Variants in EPHB1 observed in about 807,000 individuals in gnomAD.
EPHB1 encodes the protein ephrin type-B receptor 1.
A neutral mutation model predicts 94.4 loss-of-function variants in EPHB1; 30 were observed. The observed-to-expected ratio is 0.32, with a 90% CI of 0.24 to 0.43. The LOEUF (loss-of-function observed/expected upper bound fraction) is 0.43. Among genes scored for constraint, EPHB1 ranks in the 20% least tolerant of loss-of-function variants. EPHB1 has a pLI of 1.00. For missense variants in EPHB1, 1,055 were observed against 1,308.3 expected, an observed-to-expected ratio of 0.81 and a Z score of 2.99; for synonymous variants, 522 against 489.1, an observed-to-expected ratio of 1.07 and a Z score of -0.89.
chr3:134,893,711 A>T (rs116554232), intron 1 of EPHB1, among the ~76,000 whole-genome samples: 1 of 152,214 alleles, frequency 6.6e-6, no homozygotes, highest in African/African-American at 2.4e-5. Context: ...CCTTATGTCA[A>T]ACCAGGGCCC....
chr3:135,247,752 A>G (rs1304683307), intron 13 of EPHB1, among the ~76,000 whole-genome samples: 1 of 152,212 alleles, frequency 6.6e-6, no homozygotes, highest in Non-Finnish European at 1.5e-5. Context: ...TTGCTGCCTC[A>G]TGAGGAATAT....
intron 12 of EPHB1, among the ~76,000 whole-genome samples, chr3:135,209,827 G>A (rs1346760955): frequency 6.6e-6 from 1 of 152,186 alleles, no homozygotes; most frequent in Non-Finnish European, 1.5e-5. Context: ...CATGGAGGAT[G>A]GGTGGGAGAG....
At chr3:135,064,800 G>A (rs1196789726) in intron 3 of EPHB1, among the ~76,000 whole-genome samples, 2 of 152,060 alleles carry the variant, frequency 1.3e-5, no homozygotes, top group Non-Finnish European at 2.9e-5. Flanking sequence ...ACCTTAGAAT[G>A]TCAGTTTATG....
chr3:135,226,887 T>C (rs1464763445), intron 12 of EPHB1, among the ~76,000 whole-genome samples: 1 of 149,534 alleles, frequency 6.7e-6, no homozygotes, highest in African/African-American at 2.5e-5. Flanking sequence ...CGGAGCTGGA[T>C]GATATAGTCC....
chr3:134,884,275 G>C (rs1484045561), intron 1 of EPHB1, among the ~76,000 whole-genome samples: 4 of 152,208 alleles, frequency 2.6e-5, no homozygotes, highest in Admixed American at 1.3e-4. Flanking sequence ...GTGTGGAGAG[G>C]CCGGGAATTT....
intron 3 of EPHB1, among the ~76,000 whole-genome samples, chr3:135,041,532 G>T (rs1936843128): frequency 6.6e-6 from 1 of 152,214 alleles, no homozygotes; most frequent in Admixed American, 6.5e-5. Context: ...AAATGAAAAG[G>T]AAGGTCCAGA....
intron 1 of EPHB1, among the ~76,000 whole-genome samples, chr3:134,896,869 C>T (rs970246619): frequency 3.2e-4 from 49 of 152,328 alleles, no homozygotes; most frequent in African/African-American, 1.1e-3. Context: ...TGGAGGTTGG[C>T]GAAGGGTGAG....
chr3:134,984,232 G>A (rs145979738), intron 3 of EPHB1, among the ~76,000 whole-genome samples: 2 of 152,210 alleles, frequency 1.3e-5, no homozygotes, highest in East Asian at 3.9e-4. Flanking sequence ...GCTTTTTGAT[G>A]ATCCTCTTCT....
intron 4 of EPHB1, among the ~76,000 whole-genome samples, chr3:135,131,993 C>T (rs1013607944): frequency 1.3e-5 from 2 of 152,146 alleles, no homozygotes; most frequent in African/African-American, 4.8e-5. Context: ...ATTTTATCTT[C>T]CTGGTAGGGG....
At chr3:135,005,800 C>G (rs1409041250) in intron 3 of EPHB1, among the ~76,000 whole-genome samples, 5 of 152,256 alleles carry the variant, frequency 3.3e-5, no homozygotes, top group African/African-American at 7.2e-5. Flanking sequence ...TGAGGCAATG[C>G]CTTGCCCTGC....
At chr3:134,825,490 A>T (rs2036461359) in intron 1 of EPHB1, among the ~76,000 whole-genome samples, 1 of 152,222 alleles carries the variant, frequency 6.6e-6, no homozygotes, top group Admixed American at 6.5e-5. Context: ...GTAATATCCC[A>T]CAGGGGATGC....
intron 3 of EPHB1, among the ~76,000 whole-genome samples, chr3:135,027,440 G>T (rs1460884451): frequency 6.8e-6 from 1 of 147,978 alleles, no homozygotes; most frequent in Non-Finnish European, 1.5e-5. Flanking sequence ...GTTGAATTTT[G>T]TCAAAGGCCT....
intron 12 of EPHB1, 96 bp from the exon 13 acceptor site, chr3:135,241,052 T>A: frequency 7.2e-7 from 1 of 1,394,324 alleles, no homozygotes; most frequent in South Asian, 1.2e-5. Flanking sequence ...GATATGGGAG[T>A]GAGAGTTTGG....
intron 3 of EPHB1, among the ~76,000 whole-genome samples, chr3:134,954,534 C>G (rs1933167941): frequency 6.6e-6 from 1 of 152,176 alleles, no homozygotes; most frequent in African/African-American, 2.4e-5. Context: ...AGGTGAGACA[C>G]AGTGAGCCTT....
chr3:135,061,719 G>A (rs1035395277), intron 3 of EPHB1, among the ~76,000 whole-genome samples: 1 of 151,770 alleles, frequency 6.6e-6, no homozygotes, highest in African/African-American at 2.4e-5. Context: ...TTAACATTAG[G>A]TATATCTCCT....
intron 1 of EPHB1, among the ~76,000 whole-genome samples, chr3:134,808,198 T>C (rs1477471239): frequency 3.9e-5 from 6 of 152,202 alleles, no homozygotes; most frequent in Admixed American, 3.9e-4. Context: ...AGCCTCAAAC[T>C]CATATCCTCT....
intron 1 of EPHB1, among the ~76,000 whole-genome samples, chr3:134,882,749 CCT>C (rs1560280344): frequency 2.0e-3 from 77 of 38,126 alleles, no homozygotes; most frequent in African/African-American, 4.0e-3. Context: ...CTTCTTTCTT[CCT>C]TTCTTCCTTC....
chr3:134,932,506 C>G (rs945046608), intron 2 of EPHB1, among the ~76,000 whole-genome samples: 2 of 152,194 alleles, frequency 1.3e-5, no homozygotes, highest in African/African-American at 4.8e-5. Context: ...GTTAAGGCCT[C>G]AGGTCCTGGC....
Position 135,106,608 on chromosome 3 carries a change from G to A in EPHB1, c.961+5G>A. 6.2e-7 allele frequency: 1 copy of A among 1,613,986 alleles called. No homozygotes were observed. The highest frequency in any genetic ancestry group is 8.5e-7 in the Non-Finnish European group (1 of 1,179,890). ...CTCCAGAAGTGGCATGCACTAGTAA[G>A]TGTCTAGTAATGGCTCTGGGCTGGG... On this transcript the variant is annotated splice_donor_5th_base_variant and intron_variant, in intron 4 of 15. Coordinates refer to ENST00000398015, the MANE Select transcript of EPHB1 (RefSeq NM_004441.5).
Sources: gnomAD v4.1 joint callset for allele counts (sites outside exome capture counted in the v4.1 genomes callset) on GRCh38, gnomAD v4.1.1 for gene constraint, MANE v1.5 for transcripts, NCBI Gene and HGNC (gene_info 2026-07-23, HGNC 2026-07-21) for gene names.